GALNTL6: variants seen among roughly 807,000 people sequenced by gnomAD.
GALNTL6 encodes the protein polypeptide N-acetylgalactosaminyltransferase like 6.
GALNTL6 carries 46 observed loss-of-function variants against 73.7 expected under a neutral mutation model. The observed-to-expected ratio is 0.62, with a 90% CI of 0.49 to 0.80. The LOEUF (loss-of-function observed/expected upper bound fraction) is 0.80. Among genes scored for constraint, GALNTL6 ranks in the 30% least tolerant of loss-of-function variants. The pLI, the probability that GALNTL6 is intolerant of heterozygous loss-of-function variation, is 0.00. For missense variants in GALNTL6, 604 were observed against 755.0 expected (o/e 0.80, Z 2.34); for synonymous variants, 259 against 263.7 (o/e 0.98, Z 0.17).
At chr4:172,414,658 C>T (rs898471569) in intron 5 of GALNTL6, among the ~76,000 whole-genome samples, 1 of 152,132 alleles carries the variant, frequency 6.6e-6, no homozygotes, top group African/African-American at 2.4e-5. Context: ...AATTGCCAGT[C>T]ATCAGAACCA....
At chr4:172,999,207 G>C (rs984174038) in intron 10 of GALNTL6, among the ~76,000 whole-genome samples, 5 of 152,224 alleles carry the variant, frequency 3.3e-5, no homozygotes, top group East Asian at 1.9e-4. Context: ...CATGCAGCTT[G>C]GTAGTGATAA....
chr4:172,616,163 G>C (rs1738720623), intron 5 of GALNTL6, among the ~76,000 whole-genome samples: 1 of 152,104 alleles, frequency 6.6e-6, no homozygotes, highest in Non-Finnish European at 1.5e-5. Context: ...CCCCATAAGA[G>C]AGAGCACAAT....
chr4:172,977,093 T>C lies in GALNTL6; in HGVS notation c.1371+24835T>C, dbSNP rs530799423. Among the ~76,000 whole-genome samples the C allele has an allele frequency of 5.9e-5, 9 of 152,278 alleles. No homozygotes were observed. The East Asian group carries it at 1.4e-3, about 23-fold the overall frequency. On this transcript the variant is annotated intron_variant, in intron 10 of 12. Coordinates refer to ENST00000506823, the MANE Select transcript of GALNTL6 (RefSeq NM_001034845.3). ...TGAAATCCATATCATCAGCACATTCTCTCCATGTAAGCAGATTACACAGGA... is the reference window on the plus strand; with the variant it reads ...TGAAATCCATATCATCAGCACATTCCCTCCATGTAAGCAGATTACACAGGA...
At chr4:172,538,675 A>T (rs1735439230) in intron 5 of GALNTL6, among the ~76,000 whole-genome samples, 2 of 152,168 alleles carry the variant, frequency 1.3e-5, no homozygotes, top group East Asian at 3.9e-4. Context: ...AGATGAAAAA[A>T]ACTTCAAATA....
chr4:172,819,809 G>A (rs921478089), intron 7 of GALNTL6, among the ~76,000 whole-genome samples: 1 of 152,092 alleles, frequency 6.6e-6, no homozygotes, highest in Non-Finnish European at 1.5e-5. Context: ...GAATTCCCAC[G>A]ATTCCATGGA....
At chr4:172,716,251 A>G (rs1735083029) in intron 5 of GALNTL6, among the ~76,000 whole-genome samples, 3 of 152,284 alleles carry the variant, frequency 2.0e-5, no homozygotes, top group Middle Eastern at 3.4e-3. Flanking sequence ...TCAGATGTCC[A>G]TAGTCCCTGG....
chr4:172,788,986 C>G (rs1739840442), intron 5 of GALNTL6, among the ~76,000 whole-genome samples: 1 of 152,170 alleles, frequency 6.6e-6, no homozygotes, highest in Non-Finnish European at 1.5e-5. Flanking sequence ...TTCCTCTGCC[C>G]TCACACCACA....
At chr4:172,264,624 G>T (rs1738387963) in intron 3 of GALNTL6, among the ~76,000 whole-genome samples, 1 of 119,892 alleles carries the variant, frequency 8.3e-6, no homozygotes, top group Non-Finnish European at 1.8e-5. Flanking sequence ...TAATATATTT[G>T]GCATATATTA....
At chr4:172,347,341 A>T (rs550202372) in intron 4 of GALNTL6, among the ~76,000 whole-genome samples, 10 of 152,186 alleles carry the variant, frequency 6.6e-5, no homozygotes, top group African/African-American at 1.4e-4. Flanking sequence ...TCTTTAATTA[A>T]TAGACAAGTA....
chr4:172,206,339 A>G (rs1736108866), intron 2 of GALNTL6, among the ~76,000 whole-genome samples: 1 of 152,180 alleles, frequency 6.6e-6, no homozygotes, highest in African/African-American at 2.4e-5. Flanking sequence ...ACATAAAGAA[A>G]AAGGGACACA....
chr4:172,483,124 A>G (rs980049766), intron 5 of GALNTL6, among the ~76,000 whole-genome samples: 5 of 152,218 alleles, frequency 3.3e-5, no homozygotes, highest in South Asian at 2.1e-4. Context: ...TTAATTTTGC[A>G]TGGAAAATTA....
At chr4:172,798,861 T>A (rs764471769) in intron 5 of GALNTL6, among the ~76,000 whole-genome samples, 1 of 152,232 alleles carries the variant, frequency 6.6e-6, no homozygotes, top group Admixed American at 6.5e-5. Flanking sequence ...ATAAATATAC[T>A]GGTTCTTTTT....
At chr4:172,306,047 G>A (rs754404521) in intron 3 of GALNTL6, among the ~76,000 whole-genome samples, 8 of 152,126 alleles carry the variant, frequency 5.3e-5, no homozygotes, top group Non-Finnish European at 1.0e-4. Context: ...TTTAAAAGAA[G>A]CTTTGGGTGG....
intron 4 of GALNTL6, among the ~76,000 whole-genome samples, chr4:172,334,461 C>T (rs1269254330): frequency 6.6e-6 from 1 of 152,120 alleles, no homozygotes; most frequent in Non-Finnish European, 1.5e-5. Context: ...AGATTTTTCA[C>T]ATCTTTGGTA....
intron 2 of GALNTL6, among the ~76,000 whole-genome samples, chr4:171,988,841 T>G (rs146756106): frequency 1.3e-5 from 2 of 151,798 alleles, no homozygotes; most frequent in South Asian, 2.1e-4. Context: ...GATCGGTCGC[T>G]AAGGAGGGAG....
intron 5 of GALNTL6, among the ~76,000 whole-genome samples, chr4:172,670,164 A>G (rs1014934905): frequency 2.0e-5 from 3 of 151,918 alleles, no homozygotes; most frequent in African/African-American, 7.2e-5. Context: ...GACCATTTAT[A>G]TTCCAGTAAT....
chr4:172,501,406 T>C (rs779854403), intron 5 of GALNTL6, among the ~76,000 whole-genome samples: 10 of 152,170 alleles, frequency 6.6e-5, no homozygotes, highest in Non-Finnish European at 1.2e-4. Context: ...GCTAGACTTA[T>C]TGTGGATATG....
intron 4 of GALNTL6, among the ~76,000 whole-genome samples, chr4:172,344,902 A>G (rs780682741): frequency 1.3e-5 from 2 of 152,202 alleles, no homozygotes; most frequent in African/African-American, 2.4e-5. Flanking sequence ...TCTCTTCTGC[A>G]GTTCCTGTCT....
At chr4:172,595,413 C>T (rs1737814521) in intron 5 of GALNTL6, among the ~76,000 whole-genome samples, 1 of 152,108 alleles carries the variant, frequency 6.6e-6, no homozygotes. Flanking sequence ...CACAATAATG[C>T]TTTATACTCA....
Sources: allele counts gnomAD v4.1 joint callset (sites outside exome capture counted in the v4.1 genomes callset), GRCh38; gene constraint gnomAD v4.1.1; transcripts MANE v1.5; gene names NCBI Gene and HGNC (gene_info 2026-07-23, HGNC 2026-07-21).